The following WDR33 variants were observed in gnomAD, a reference collection of about 807,000 sequenced individuals.
WDR33 encodes pre-mRNA 3' end processing protein WDR33.
Under a neutral mutation model 164.9 loss-of-function variants are expected in WDR33, and 47 were observed. The ratio of observed to expected loss-of-function variants is 0.29; its 90% CI spans 0.23 to 0.36. The LOEUF (loss-of-function observed/expected upper bound fraction) is 0.36, where lower values mean the gene tolerates loss of function less well. Ranked by LOEUF, WDR33 falls within the 10% of genes least tolerant of loss-of-function variation. WDR33 has a pLI of 1.00. For missense variants in WDR33, 1,137 were observed against 1,754.1 expected, an observed-to-expected ratio of 0.65 and a Z score of 6.28; for synonymous variants, 505 against 589.0, an observed-to-expected ratio of 0.86 and a Z score of 2.06.
intron 7 of WDR33, among the ~76,000 whole-genome samples, chr2:127,750,677 A>AAATATATAT (rs1558936792): frequency 2.8e-5 from 1 of 35,794 alleles, no homozygotes; most frequent in Non-Finnish European, 4.4e-5. Context: ...AAAAAAAAAA[A>AAATATATAT]ATATATATAT....
intron 1 of WDR33, among the ~76,000 whole-genome samples, chr2:127,806,816 G>A (rs1689457372): frequency 6.6e-6 from 1 of 152,068 alleles, no homozygotes; most frequent in Non-Finnish European, 1.5e-5. Context: ...GTAGGAAAAA[G>A]CATTATTTCA....
intron 7 of WDR33, among the ~76,000 whole-genome samples, chr2:127,759,166 C>T (rs1424236983): frequency 1.3e-5 from 2 of 152,164 alleles, no homozygotes; most frequent in South Asian, 2.1e-4. Flanking sequence ...TGGTGACTTA[C>T]ACATCCTTTG....
Position 127,705,061 on chromosome 2 carries a change from AAG to A in WDR33, c.*1260_*1261del, listed in dbSNP as rs1183264446. 1 of 165,952 alleles carries A rather than the reference AAG, an allele frequency of 6.0e-6. No individual in the cohort carries two copies. The highest frequency in any genetic ancestry group is 1.5e-5 in the Non-Finnish European group (1 of 68,118). 10.3% of individuals were successfully genotyped at this position (165,952 alleles called of 1,614,324 possible). A position where few individuals can be genotyped will look rare whatever the true frequency, so the allele number is the denominator to read the frequency against. ...TGCACTCCTGGCTGGGTGACAGAGC[AAG>A]ACTCTGTCAAAAAAGGAAAAGAAAA... On this transcript the variant is annotated 3_prime_UTR_variant, in exon 22 of 22. Coordinates refer to ENST00000322313, the MANE Select transcript of WDR33 (RefSeq NM_018383.5). The surrounding 1 kb of genome is among the most constrained non-coding windows in gnomAD (Gnocchi z 4.5).
intron 1 of WDR33, among the ~76,000 whole-genome samples, chr2:127,778,279 A>C (rs1048672718): frequency 7.9e-5 from 12 of 152,066 alleles, no homozygotes; most frequent in Admixed American, 6.5e-4. Flanking sequence ...TCTACTAAAA[A>C]TACAAAAATT....
In WDR33 at chr2:127,724,504, C is replaced by T. The variant is rs910267530; in HGVS notation, c.1086-61G>A. The T allele has an allele frequency of 7.0e-7, 1 of 1,425,648 alleles. No homozygotes were observed. The highest frequency in any genetic ancestry group is 1.4e-5 in the African/African-American group (1 of 70,392). The allele number at this position is 1,425,648 out of a possible 1,614,324, so 88.3% of individuals were successfully genotyped here. ...AAAGTTACCCAGCTTCTCCCTCCCC[C>T]TCAAAAAAGACATTTTCTGTTACTC... is the stretch of plus-strand genomic sequence containing the variant. On this transcript the variant is annotated intron_variant, in intron 10 of 21. Coordinates refer to ENST00000322313, the MANE Select transcript of WDR33 (RefSeq NM_018383.5). This position sits in a 1 kb window ranked among gnomAD's most constrained non-coding sequence, Gnocchi z 4.8.
intron 7 of WDR33, among the ~76,000 whole-genome samples, chr2:127,751,616 A>G (rs1687366448): frequency 6.6e-6 from 1 of 152,104 alleles, no homozygotes. Flanking sequence ...AATAATTTGC[A>G]TAGATTTCAG....
Position 127,804,614 on chromosome 2 carries a change from T to C in WDR33, c.-24+6398A>G, listed in dbSNP as rs185224709. On this transcript the variant is annotated intron_variant, in intron 1 of 21. Coordinates refer to ENST00000322313, the MANE Select transcript of WDR33 (RefSeq NM_018383.5). ...TGACAAAATGTTAAAAATGGGTGAA[T>C]CAGAATAAAAAGTACATAGGAGTTC... Among the ~76,000 whole-genome samples, 199 of 152,196 alleles carry C rather than the reference T, an allele frequency of 1.3e-3. 2 individuals are homozygous for C. The highest frequency in any genetic ancestry group is 0.012 in the Admixed American group (185 of 15,286).
At chr2:127,788,158 C>T (rs866728645) in intron 1 of WDR33, among the ~76,000 whole-genome samples, 19 of 96,172 alleles carry the variant, frequency 2.0e-4, no homozygotes, top group Middle Eastern at 0.013. Flanking sequence ...GCAGAGGCGC[C>T]CCTCACCTCC....
At chr2:127,729,452 A>T (rs1686648995) in intron 7 of WDR33, among the ~76,000 whole-genome samples, 1 of 152,130 alleles carries the variant, frequency 6.6e-6, no homozygotes, top group African/African-American at 2.4e-5. Context: ...TCAGTGAAGG[A>T]TAGTACCTAG....
In WDR33 at chr2:127,724,516, A is replaced by G. The variant is rs1573889655; in HGVS notation, c.1086-73T>C. On this transcript the variant is annotated intron_variant, in intron 10 of 21. Transcript: ENST00000322313. This position sits in a 1 kb window ranked among gnomAD's most constrained non-coding sequence, Gnocchi z 4.8. ...CTTCTCCCTCCCCCTCAAAAAAGAC[A>G]TTTTCTGTTACTCTTAAAATGAAGC... 1.3e-5 allele frequency: 17 copies of G among 1,302,444 alleles called. No individual in the cohort carries two copies. The East Asian group carries it at 3.7e-4, about 29-fold the overall frequency. 80.7% of individuals were successfully genotyped at this position (1,302,444 alleles called of 1,614,324 possible). A position where few individuals can be genotyped will look rare whatever the true frequency, so the allele number is the denominator to read the frequency against.
intron 2 of WDR33, among the ~76,000 whole-genome samples, chr2:127,769,434 A>C (rs565816265): frequency 2.4e-4 from 36 of 152,236 alleles, no homozygotes; most frequent in East Asian, 1.9e-3. Flanking sequence ...CCATCTCAAA[A>C]AAACAAACAA....
intron 1 of WDR33, among the ~76,000 whole-genome samples, chr2:127,797,623 G>A (rs566175247): frequency 6.6e-5 from 10 of 152,226 alleles, no homozygotes; most frequent in African/African-American, 1.9e-4. Flanking sequence ...CTGTAATTAT[G>A]AACAAATTTA....
chr2:127,717,165 G>A lies in WDR33; in HGVS notation c.2859C>T (p.Gly953=), dbSNP rs757418596. The change falls in exon 17 of 22, where the codon GGC becomes GGT. Residue 953 remains glycine, a synonymous_variant. Transcript: ENST00000322313. The surrounding 1 kb of genome is among the most constrained non-coding windows in gnomAD (Gnocchi z 5.6). The part of the protein sequence containing the change: ...IPPLNPGQGP[G]PNKGDSRGPP... ...TGAGCAGATATTTACCTTTGTTGGG[G>A]CCAGGTCCTTGTCCGGGGTTCAGAG... The A allele has an allele frequency of 1.1e-5, 18 of 1,604,056 alleles. No individual in the cohort carries two copies. The highest frequency in any genetic ancestry group is 1.7e-5 in the Admixed American group (1 of 58,894).
At chr2:127,794,833 CAAAAAAAAAAA>C (rs990234716) in intron 1 of WDR33, among the ~76,000 whole-genome samples, 4 of 79,264 alleles carry the variant, frequency 5.0e-5, no homozygotes, top group Non-Finnish European at 1.1e-4. Context: ...GACTCCGTTT[CAAAAAAAAAAA>C]AAAAAAAAGA....
intron 7 of WDR33, chr2:127,762,699 T>TG: frequency 9.7e-7 from 1 of 1,025,906 alleles, no homozygotes; most frequent in Non-Finnish European, 1.2e-6. Flanking sequence ...GTAAAAGGAC[T>TG]GCCAGGAGAA....
In WDR33 at chr2:127,770,735, A is replaced by ATAAC. The variant is rs762866717; in HGVS notation, c.204+39_204+42dup. 1 of 872,034 alleles carries ATAAC rather than the reference A, an allele frequency of 1.1e-6. No homozygotes were observed. The highest frequency in any genetic ancestry group is 3.2e-5 in the Admixed American group (1 of 31,342). 54.0% of individuals were successfully genotyped at this position (872,034 alleles called of 1,614,324 possible). A position where few individuals can be genotyped will look rare whatever the true frequency, so the allele number is the denominator to read the frequency against. On this transcript the variant is annotated intron_variant, in intron 2 of 21. Transcript: ENST00000322313. This position sits in a 1 kb window ranked among gnomAD's most constrained non-coding sequence, Gnocchi z 4.9. ...AATAAATAAATAAATAAATAAATAA[A>ATAAC]TAACCAAAGTTTGGTCATCTGAAGC...
chr2:127,803,354 C>T (rs986431064), intron 1 of WDR33, among the ~76,000 whole-genome samples: 26 of 151,970 alleles, frequency 1.7e-4, no homozygotes, highest in Admixed American at 1.3e-4. Context: ...CCAAAGTGAG[C>T]GGATCACTTA....
rs532255676 is a variant in WDR33, at chr2:127,712,995, G to A, written c.3308+588C>T. Among the ~76,000 whole-genome samples, 32 of 152,248 alleles carry A rather than the reference G, an allele frequency of 2.1e-4. No individual in the cohort carries two copies. The highest frequency in any genetic ancestry group is 3.9e-4 in the East Asian group (2 of 5,182). On this transcript the variant is annotated intron_variant, in intron 18 of 21. Transcript: ENST00000322313. The surrounding 1 kb of genome is among the most constrained non-coding windows in gnomAD (Gnocchi z 4.0). Reference sequence around the variant, plus strand: ...TGTTCTTCAATTCCTGGCCTCAAGCGATCCTCCTGCCTCAGCCACCCAAAG... The same window carrying A: ...TGTTCTTCAATTCCTGGCCTCAAGCAATCCTCCTGCCTCAGCCACCCAAAG...
intron 7 of WDR33, among the ~76,000 whole-genome samples, chr2:127,745,297 C>T (rs142299260): frequency 2.6e-4 from 39 of 152,278 alleles, no homozygotes; most frequent in African/African-American, 9.1e-4. Flanking sequence ...TCTGGTTAAT[C>T]AGATATCTGC....
Sources: allele counts gnomAD v4.1 joint callset (sites outside exome capture counted in the v4.1 genomes callset), GRCh38; gene constraint gnomAD v4.1.1; non-coding constraint Gnocchi (gnomAD v3.1); transcripts MANE v1.5; gene names NCBI Gene and HGNC (gene_info 2026-07-23, HGNC 2026-07-21).